SLC44A3: variants seen among roughly 807,000 people sequenced by gnomAD.
The protein encoded by SLC44A3 is choline transporter-like protein 3.
In SLC44A3, 74 loss-of-function variants were observed where a neutral mutation model predicts 75.4. The observed-to-expected ratio is 0.98, with a 90% CI of 0.81 to 1.19. The LOEUF (loss-of-function observed/expected upper bound fraction) is 1.19, where lower values mean the gene tolerates loss of function less well. SLC44A3 is among the 50% of genes most tolerant of loss of function. The pLI, the probability that SLC44A3 is intolerant of heterozygous loss-of-function variation, is 0.00. For missense variants in SLC44A3, 700 were observed against 778.6 expected (o/e 0.90, Z 1.20); for synonymous variants, 310 against 296.9 (o/e 1.04, Z -0.45).
chr1:94,881,698 C>T (rs183609194), intron 12 of SLC44A3, among the ~76,000 whole-genome samples: 3 of 145,772 alleles, frequency 2.1e-5, no homozygotes, highest in Non-Finnish European at 3.0e-5. Context: ...AGCAAGACTC[C>T]GTCTCAAAAA....
At chr1:94,894,474 T>C (rs1350141799) in intron 14 of SLC44A3, among the ~76,000 whole-genome samples, 1 of 151,912 alleles carries the variant, frequency 6.6e-6, no homozygotes, top group Non-Finnish European at 1.5e-5. Context: ...GGACAGACTT[T>C]TGTCACAAAC....
chr1:94,866,082 T>C (rs1279317251), intron 11 of SLC44A3, among the ~76,000 whole-genome samples: 1 of 152,224 alleles, frequency 6.6e-6, no homozygotes, highest in Non-Finnish European at 1.5e-5. Flanking sequence ...AGGGCAAAAC[T>C]AGCTACTTTT....
chr1:94,824,048 C>A (rs1660962796), intron 2 of SLC44A3, among the ~76,000 whole-genome samples: 1 of 149,572 alleles, frequency 6.7e-6, no homozygotes, highest in Admixed American at 6.7e-5. Context: ...GTTGCTTCTG[C>A]AGAATCCCTT....
intron 9 of SLC44A3, among the ~76,000 whole-genome samples, chr1:94,853,000 G>A (rs767757885): frequency 6.6e-6 from 1 of 152,198 alleles, no homozygotes; most frequent in Non-Finnish European, 1.5e-5. Context: ...AGGAGGTCCT[G>A]GCTGGGATTC....
chr1:94,885,224 CAAAAAAAA>C (rs60440950), intron 12 of SLC44A3, among the ~76,000 whole-genome samples: 3 of 82,848 alleles, frequency 3.6e-5, no homozygotes, highest in East Asian at 4.9e-4. Context: ...GACTCCCTCT[CAAAAAAAA>C]AAAAAAAAAA....
At chr1:94,886,498 C>T (rs1173770843) in intron 12 of SLC44A3, among the ~76,000 whole-genome samples, 1 of 152,084 alleles carries the variant, frequency 6.6e-6, no homozygotes, top group Non-Finnish European at 1.5e-5. Context: ...GCTCATGTTG[C>T]TGGCTCCTGC....
chr1:94,843,768 C>G (rs1664006157), intron 8 of SLC44A3, among the ~76,000 whole-genome samples: 1 of 151,308 alleles, frequency 6.6e-6, no homozygotes, highest in South Asian at 2.1e-4. Context: ...TCTCCAGAGG[C>G]ACTGGGGTGC....
chr1:94,864,920 A>G, intron 11 of SLC44A3, 21 bp downstream of exon 11: 2 of 1,610,832 alleles, frequency 1.2e-6, no homozygotes, highest in Non-Finnish European at 1.7e-6. Context: ...CTCCTGATAC[A>G]CAGCACGTTC....
chr1:94,847,764 A>G (rs970372589), intron 9 of SLC44A3, among the ~76,000 whole-genome samples: 1 of 152,144 alleles, frequency 6.6e-6, no homozygotes, highest in Admixed American at 6.5e-5. Flanking sequence ...GGGTATTGTT[A>G]TGTTCAAGTT....
chr1:94,883,621 G>C (rs1428157600), intron 12 of SLC44A3, among the ~76,000 whole-genome samples: 1 of 152,224 alleles, frequency 6.6e-6, no homozygotes, highest in Non-Finnish European at 1.5e-5. Context: ...AAATCAGGAT[G>C]CAGGAGAAGG....
chr1:94,827,757 C>T, intron 4 of SLC44A3, 114 bp downstream of exon 4: 1 of 1,297,626 alleles, frequency 7.7e-7, no homozygotes, highest in Non-Finnish European at 1.1e-6. Flanking sequence ...AGTTTTACTT[C>T]CTTGTGGGTG....
At chr1:94,826,948 G>C (rs1661434324) in intron 3 of SLC44A3, among the ~76,000 whole-genome samples, 1 of 152,192 alleles carries the variant, frequency 6.6e-6, no homozygotes, top group African/African-American at 2.4e-5. Context: ...GGCAACACCA[G>C]TTTCATTCTT....
intron 10 of SLC44A3, among the ~76,000 whole-genome samples, chr1:94,861,300 T>C (rs1236387419): frequency 6.6e-6 from 1 of 152,124 alleles, no homozygotes; most frequent in African/African-American, 2.4e-5. Context: ...GAATCTTTCA[T>C]AGTAGAAAAG....
intron 5 of SLC44A3, among the ~76,000 whole-genome samples, chr1:94,833,448 G>A (rs1571194534): frequency 6.6e-6 from 1 of 151,790 alleles, no homozygotes; most frequent in East Asian, 1.9e-4. Flanking sequence ...CTTCTGCCAA[G>A]GTCCCCACAG....
chr1:94,864,067 G>T (rs1666882755), intron 10 of SLC44A3, among the ~76,000 whole-genome samples: 1 of 152,220 alleles, frequency 6.6e-6, no homozygotes, highest in African/African-American at 2.4e-5. Context: ...GGTTAGGGGA[G>T]AGTGATGGCT....
rs746008012 is a variant in SLC44A3 at position 94,892,346 on chromosome 1, G to A, written c.1686G>A (p.Gln562=). 5 of 1,614,204 alleles carry A rather than the reference G, an allele frequency of 3.1e-6. No individual in the cohort carries two copies. The highest frequency in any genetic ancestry group is 4.2e-6 in the Non-Finnish European group (5 of 1,180,046). The change falls in exon 14 of 15, where the codon CAG becomes CAA. Residue 562 remains glutamine, a synonymous_variant. Transcript: ENST00000271227. ...CTTTTAACTACAATCGGGCATTCCA[G>A]GTGTGGGCAGTCCCTCTGTTATTGG... ...LMAFNYNRAF[Q]VWAVPLLLVA...
chr1:94,891,317 C>A, intron 13 of SLC44A3, 50 bp downstream of exon 13: 1 of 1,549,258 alleles, frequency 6.5e-7, no homozygotes, highest in Non-Finnish European at 8.7e-7. Flanking sequence ...AAAATTAAGC[C>A]ATACAACAAT....
At chr1:94,849,271 C>T (rs1664874856) in intron 9 of SLC44A3, among the ~76,000 whole-genome samples, 2 of 152,138 alleles carry the variant, frequency 1.3e-5, no homozygotes, top group Admixed American at 1.3e-4. Context: ...AACTGGGTGC[C>T]CCGGACCTAT....
Position 94,894,877 on chromosome 1 carries a change from A to G in SLC44A3, c.1917A>G (p.Ser639=), listed in dbSNP as rs780269095. 3.7e-6 allele frequency: 6 copies of G among 1,612,446 alleles called. No homozygotes were observed. The Admixed American group carries it at 8.3e-5, about 22-fold the overall frequency. Residue 639 remains serine, a synonymous_variant, in exon 15 of 15, where the codon TCA becomes TCG. Transcript: ENST00000271227. ...NNARAQQDKH[S]LRNEEGTELQ... The stretch of plus-strand genomic sequence containing the variant: ...CAAGGGCACAGCAGGACAAGCACTC[A>G]TTAAGGAATGAGGAGGGAACAGAAC...
Sources: gnomAD v4.1 joint callset for allele counts (sites outside exome capture counted in the v4.1 genomes callset) on GRCh38, gnomAD v4.1.1 for gene constraint, MANE v1.5 for transcripts, NCBI Gene and HGNC (gene_info 2026-07-23, HGNC 2026-07-21) for gene names.